The following PCNX2 variants were observed in gnomAD, a reference collection of about 807,000 sequenced individuals.
The protein encoded by PCNX2 is pecanex-like protein 2.
In PCNX2, 168 loss-of-function variants were observed where a neutral mutation model predicts 223.8. That is an observed-to-expected ratio of 0.75 (90% confidence interval 0.66 to 0.85). The LOEUF (loss-of-function observed/expected upper bound fraction) is 0.85, where lower values mean the gene tolerates loss of function less well. Ranked by LOEUF, PCNX2 falls within the 40% of genes least tolerant of loss-of-function variation. The pLI is 0.00. For synonymous variants in PCNX2, 1,006 were observed against 1,052.6 expected (o/e 0.96, Z 0.86); for missense variants, 2,507 against 2,675.5 (o/e 0.94, Z 1.39).
At chr1:233,098,322 A>G (rs1416784121) in intron 21 of PCNX2, among the ~76,000 whole-genome samples, 1 of 152,204 alleles carries the variant, frequency 6.6e-6, no homozygotes, top group East Asian at 1.9e-4. Context: ...AGCTCTAACA[A>G]GTTAAACTTT....
At chr1:233,129,786 A>G (rs1676350399) in intron 21 of PCNX2, among the ~76,000 whole-genome samples, 1 of 152,208 alleles carries the variant, frequency 6.6e-6, no homozygotes, top group African/African-American at 2.4e-5. Flanking sequence ...CGGACCAATC[A>G]GCTCTCCATA....
chr1:233,225,459 C>T (rs960461426), intron 10 of PCNX2, among the ~76,000 whole-genome samples: 1 of 152,168 alleles, frequency 6.6e-6, no homozygotes, highest in African/African-American at 2.4e-5. Context: ...ATTCCCAAGG[C>T]TGACTCGAGT....
chr1:233,220,151 G>A (rs1252583973), intron 10 of PCNX2, among the ~76,000 whole-genome samples: 1 of 152,164 alleles, frequency 6.6e-6, no homozygotes, highest in African/African-American at 2.4e-5. Context: ...CTCATTGTAT[G>A]AAGATACCAC....
At chr1:233,184,242 G>T (rs1174141128) in intron 15 of PCNX2, among the ~76,000 whole-genome samples, 1 of 151,830 alleles carries the variant, frequency 6.6e-6, no homozygotes, top group Admixed American at 6.6e-5. Flanking sequence ...TCAGAGAAAA[G>T]GTCAAGGGAA....
chr1:233,232,549 C>T (rs1000808193), intron 9 of PCNX2, among the ~76,000 whole-genome samples: 1 of 152,092 alleles, frequency 6.6e-6, no homozygotes, highest in Non-Finnish European at 1.5e-5. Context: ...GCAAATGTTA[C>T]TTTTTCTTTT....
In PCNX2 at chr1:233,235,985, T is replaced by TATATAA. The variant is rs1265599637; in HGVS notation, c.2358+859_2358+860insTTATAT. ...ATATATATATATATATATATATATA[T>TATATAA]AATTATATTATTTTTTCAAAGATGA... On this transcript the variant is annotated intron_variant, in intron 9 of 33. Transcript: ENST00000258229. 3.2e-3 allele frequency among the ~76,000 whole-genome samples: 465 copies of TATATAA among 143,606 alleles called. 5 individuals are homozygous for TATATAA. The highest frequency in any genetic ancestry group is 4.6e-3 in the Non-Finnish European group (302 of 65,808). The allele number at this position is 143,606 out of a possible 152,430, so 94.2% of individuals were successfully genotyped here. A position where few individuals can be genotyped will look rare whatever the true frequency, so the allele number is the denominator to read the frequency against.
At chr1:233,291,241 T>C (rs1661744598) in intron 1 of PCNX2, 1 of 305,326 alleles carries the variant, frequency 3.3e-6, no homozygotes, top group Admixed American at 6.5e-5. Flanking sequence ...AATGAAAGTG[T>C]TATCCCCATT....
intron 15 of PCNX2, among the ~76,000 whole-genome samples, chr1:233,182,317 A>C (rs1679847747): frequency 1.3e-5 from 2 of 152,064 alleles, no homozygotes; most frequent in Non-Finnish European, 2.9e-5. Context: ...ACACATTTTC[A>C]ATGCTGCTCC....
chr1:233,000,388 G>A lies in PCNX2; in HGVS notation c.5245C>T (p.Leu1749=). 1 of 1,612,800 alleles carries A rather than the reference G, an allele frequency of 6.2e-7. No individual in the cohort carries two copies. The highest frequency in any genetic ancestry group is 8.5e-7 in the Non-Finnish European group (1 of 1,179,084). ...GCACCCTCGTCCACCACGTGCCGCA[G>A]GGTGAGCAGCTCTTCCTTGTTGGAC... The part of the protein sequence containing the change: ...VLSNKEELLT[L]RHVVDEGADE... The change falls in exon 30 of 34, where the codon CTG becomes TTG. Residue 1749 remains leucine, a synonymous_variant. Transcript: ENST00000258229. This position sits in a 1 kb window ranked among gnomAD's most constrained non-coding sequence, Gnocchi z 4.6.
intron 21 of PCNX2, among the ~76,000 whole-genome samples, chr1:233,131,035 TTAAAA>T (rs1676474667): frequency 6.6e-6 from 1 of 152,170 alleles, no homozygotes; most frequent in African/African-American, 2.4e-5. Context: ...GGCAACCAAC[TTAAAA>T]TAATACTGTG....
chr1:233,284,943 A>T (rs1255581961), intron 1 of PCNX2: 1 of 984,494 alleles, frequency 1.0e-6, no homozygotes, highest in African/African-American at 1.7e-5. Context: ...TAATGCTCCC[A>T]GTCAACCCAA....
intron 25 of PCNX2, chr1:233,032,965 A>G (rs1671321905): frequency 1.0e-6 from 1 of 983,742 alleles, no homozygotes; most frequent in African/African-American, 1.7e-5. Flanking sequence ...TGGAAAATGC[A>G]CTAATTGCGT....
intron 1 of PCNX2, 83 bp from the exon 2 acceptor site, chr1:233,263,246 T>C (rs1247927467): frequency 2.0e-5 from 24 of 1,186,714 alleles, no homozygotes; most frequent in Middle Eastern, 4.8e-4. Flanking sequence ...TTTTAGACTA[T>C]CTATTGAATA....
At chr1:233,096,906 C>A (rs1674206500) in intron 21 of PCNX2, among the ~76,000 whole-genome samples, 1 of 152,054 alleles carries the variant, frequency 6.6e-6, no homozygotes, top group Non-Finnish European at 1.5e-5. Context: ...ATTTTGGAAC[C>A]CAAAGATGAG....
chr1:233,112,625 GA>G (rs1192908999), intron 21 of PCNX2, among the ~76,000 whole-genome samples: 17 of 152,238 alleles, frequency 1.1e-4, no homozygotes, highest in Admixed American at 3.3e-4. Flanking sequence ...TTTCAGCAGA[GA>G]ATGCTGCAAA....
At chr1:233,100,581 C>T (rs1400769096) in intron 21 of PCNX2, among the ~76,000 whole-genome samples, 3 of 152,122 alleles carry the variant, frequency 2.0e-5, no homozygotes, top group East Asian at 3.9e-4. Flanking sequence ...AGTAAATACA[C>T]AAACCAGCTT....
At chr1:233,065,566 G>A (rs1378143670) in intron 23 of PCNX2, 2 of 151,980 alleles carry the variant, frequency 1.3e-5, no homozygotes, top group Non-Finnish European at 2.9e-5. Flanking sequence ...AAAGGTAAAA[G>A]GAAAAAGTAG....
the PCNX2 span, among the ~76,000 whole-genome samples, chr1:233,305,636 G>A: frequency 6.6e-6 from 1 of 151,978 alleles, no homozygotes; most frequent in Non-Finnish European, 1.5e-5. Flanking sequence ...TATATTTTTT[G>A]TAGAGACAAG....
chr1:233,206,662 T>A (rs954676615), intron 13 of PCNX2, among the ~76,000 whole-genome samples: 2 of 152,134 alleles, frequency 1.3e-5, no homozygotes, highest in Admixed American at 1.3e-4. Context: ...TTTTCCAACA[T>A]GTTTCTGTTT....
Sources: gnomAD v4.1 joint callset for allele counts (sites outside exome capture counted in the v4.1 genomes callset) on GRCh38, gnomAD v4.1.1 for gene constraint, Gnocchi (gnomAD v3.1) non-coding constraint, MANE v1.5 for transcripts, NCBI Gene and HGNC (gene_info 2026-07-23, HGNC 2026-07-21) for gene names.